The following LINGO2 variants were observed in gnomAD, a reference collection of about 807,000 sequenced individuals.
LINGO2 encodes leucine-rich repeat and immunoglobulin-like domain-containing nogo receptor-interacting protein 2.
A neutral mutation model predicts 30.6 loss-of-function variants in LINGO2; 14 were observed. The ratio of observed to expected loss-of-function variants is 0.46; its 90% confidence interval spans 0.30 to 0.72. LINGO2 has a LOEUF of 0.72. Ranked by LOEUF, LINGO2 falls within the 30% of genes least tolerant of loss-of-function variation. The pLI is 0.07. For missense variants in LINGO2, 729 were observed against 751.7 expected, an observed-to-expected ratio of 0.97 and a Z score of 0.35; for synonymous variants, 317 against 288.5, an observed-to-expected ratio of 1.10 and a Z score of -1.00.
chr9:28,599,341 A>G (rs1825359301), intron 1 of LINGO2: 1 of 152,270 alleles, frequency 6.6e-6, no homozygotes, highest in East Asian at 1.9e-4. Flanking sequence ...ATCTGTATGT[A>G]ATACTGAACA....
chr9:28,174,491 A>T (rs1397746242), intron 4 of LINGO2, among the ~76,000 whole-genome samples: 1 of 152,152 alleles, frequency 6.6e-6, no homozygotes, highest in Non-Finnish European at 1.5e-5. Context: ...AAACAGACAT[A>T]CAGGTACACA....
chr9:27,939,801 C>T, the LINGO2 span: 4 of 152,238 alleles, frequency 2.6e-5, no homozygotes, highest in African/African-American at 9.6e-5. Flanking sequence ...ATCTCTTGTG[C>T]TTGGAAATAA....
At chr9:28,301,519 A>G (rs1824142267) in intron 3 of LINGO2, among the ~76,000 whole-genome samples, 1 of 152,204 alleles carries the variant, frequency 6.6e-6, no homozygotes, top group Admixed American at 6.6e-5. Context: ...CACCATGTCT[A>G]GAGTGAGACT....
chr9:27,965,931 C>T (rs147117602), intron 5 of LINGO2, among the ~76,000 whole-genome samples: 4 of 152,120 alleles, frequency 2.6e-5, no homozygotes, highest in African/African-American at 4.8e-5. Flanking sequence ...TATGCGCAAC[C>T]GTCAAACTGT....
intron 3 of LINGO2, among the ~76,000 whole-genome samples, chr9:28,318,694 G>C (rs1824930767): frequency 6.6e-6 from 1 of 152,022 alleles, no homozygotes; most frequent in South Asian, 2.1e-4. Flanking sequence ...TGGTCATGTG[G>C]GTATTTAATT....
the LINGO2 span, among the ~76,000 whole-genome samples, chr9:28,807,725 T>C: frequency 6.6e-6 from 1 of 152,186 alleles, no homozygotes; most frequent in Admixed American, 6.5e-5. Context: ...AGAGAGTATA[T>C]AGGCTAAGTT....
downstream of LINGO2, chr9:27,943,558 T>C (rs1177485093): frequency 1.3e-5 from 2 of 151,840 alleles, no homozygotes; most frequent in African/African-American, 4.8e-5. Context: ...GCTGTCAGCT[T>C]GTGATTATGT....
intron 1 of LINGO2, among the ~76,000 whole-genome samples, chr9:28,497,583 G>T (rs1476849172): frequency 1.3e-5 from 2 of 152,066 alleles, no homozygotes; most frequent in Non-Finnish European, 1.5e-5. Flanking sequence ...AAGGTTTTTA[G>T]CTTCTTTGTG....
intron 1 of LINGO2, among the ~76,000 whole-genome samples, chr9:28,499,425 C>T (rs995653214): frequency 8.5e-5 from 13 of 152,150 alleles, no homozygotes; most frequent in African/African-American, 3.1e-4. Flanking sequence ...CATCCCTTAG[C>T]CTTTGGCCCT....
chr9:28,885,470 T>C, the LINGO2 span, among the ~76,000 whole-genome samples: 10 of 144,366 alleles, frequency 6.9e-5, no homozygotes, highest in African/African-American at 1.1e-4. Flanking sequence ...CATATATATA[T>C]ACATACATAT....
the LINGO2 span, chr9:28,863,555 G>C: frequency 2.0e-6 from 1 of 489,896 alleles, no homozygotes; most frequent in Non-Finnish European, 4.3e-6. Flanking sequence ...GTAATACAAA[G>C]TGGCTTGTTC....
the LINGO2 span, among the ~76,000 whole-genome samples, chr9:29,029,938 T>A: frequency 1.3e-5 from 2 of 151,998 alleles, no homozygotes; most frequent in Non-Finnish European, 2.9e-5. Context: ...GTATTTCTAA[T>A]CATTAGACTA....
the LINGO2 span, among the ~76,000 whole-genome samples, chr9:28,866,891 G>A: frequency 1.3e-5 from 2 of 152,052 alleles, no homozygotes; most frequent in African/African-American, 2.4e-5. Context: ...TGATTCAAAA[G>A]TATAAACAGA....
chr9:28,340,674 G>A (rs1825738352), intron 3 of LINGO2, among the ~76,000 whole-genome samples: 1 of 152,088 alleles, frequency 6.6e-6, no homozygotes, highest in African/African-American at 2.4e-5. Context: ...AATGAGTAGA[G>A]TTTGGCTAAT....
At chr9:28,350,329 A>T (rs1164761132) in intron 3 of LINGO2, among the ~76,000 whole-genome samples, 3 of 143,098 alleles carry the variant, frequency 2.1e-5, no homozygotes, top group Non-Finnish European at 3.1e-5. Flanking sequence ...TGGAAAACAA[A>T]AGAAGGCAGG....
At chr9:28,142,263 T>C (rs1175752105) in intron 4 of LINGO2, among the ~76,000 whole-genome samples, 1 of 151,926 alleles carries the variant, frequency 6.6e-6, no homozygotes, top group African/African-American at 2.4e-5. Flanking sequence ...GTTTATCCTC[T>C]AAGAGAAAAG....
intron 2 of LINGO2, among the ~76,000 whole-genome samples, chr9:28,438,089 T>C (rs1457324572): frequency 2.6e-5 from 4 of 152,160 alleles, no homozygotes; most frequent in Non-Finnish European, 4.4e-5. Context: ...GCCTAGGGCT[T>C]TCATGATGGT....
chr9:28,618,409 C>A (rs1414397749), intron 1 of LINGO2, among the ~76,000 whole-genome samples: 2 of 152,114 alleles, frequency 1.3e-5, no homozygotes, highest in African/African-American at 4.8e-5. Flanking sequence ...CACAAACCAC[C>A]ATCATATAAT....
the LINGO2 span, among the ~76,000 whole-genome samples, chr9:29,206,432 A>G: frequency 6.6e-6 from 1 of 152,156 alleles, no homozygotes; most frequent in Non-Finnish European, 1.5e-5. Context: ...CGATGTTTTC[A>G]TCTTTGTCCC....
Sources: allele counts gnomAD v4.1 joint callset (sites outside exome capture counted in the v4.1 genomes callset), GRCh38; gene constraint gnomAD v4.1.1; transcripts MANE v1.5; gene names NCBI Gene and HGNC (gene_info 2026-07-23, HGNC 2026-07-21).